CCM2: variants seen among roughly 807,000 people sequenced by gnomAD.
CCM2 encodes CCM2 scaffold protein, also known as cerebral cavernous malformations 2 protein.
CCM2 carries 25 observed loss-of-function variants against 44.9 expected under a neutral mutation model. That is an observed-to-expected ratio of 0.56 (90% CI 0.41 to 0.78). The LOEUF is 0.78. Among genes scored for constraint, CCM2 ranks in the 30% least tolerant of loss-of-function variants. CCM2 has a pLI of 0.00. For synonymous variants in CCM2, 219 were observed against 241.1 expected (o/e 0.91, Z 0.85); for missense variants, 481 against 580.6 (o/e 0.83, Z 1.76).
chr7:45,032,855 A>G (rs1797031986), intron 1 of CCM2, among the ~76,000 whole-genome samples: 1 of 152,048 alleles, frequency 6.6e-6, no homozygotes, highest in African/African-American at 2.4e-5. Flanking sequence ...AGCCTGGCCA[A>G]CATGTTGAAA....
chr7:45,064,123 G>A, intron 3 of CCM2, 122 bp downstream of exon 3: 1 of 704,762 alleles, frequency 1.4e-6, no homozygotes, highest in South Asian at 1.7e-5. Flanking sequence ...GGTACACTTG[G>A]CTCTTGGCCA....
intron 1 of CCM2, among the ~76,000 whole-genome samples, chr7:45,012,509 A>G (rs920006597): frequency 6.6e-5 from 10 of 152,068 alleles, no homozygotes; most frequent in Middle Eastern, 3.4e-3. Context: ...TCTTGTCCCA[A>G]TCTCTTGTCT....
chr7:45,014,356 G>A (rs1475876800), intron 1 of CCM2, among the ~76,000 whole-genome samples: 2 of 152,084 alleles, frequency 1.3e-5, no homozygotes, highest in African/African-American at 4.8e-5. Flanking sequence ...GGCCAGGCTG[G>A]TCTCGAACTC....
At chr7:45,063,846 C>T in intron 2 of CCM2, 72 bp from the exon 3 acceptor site, 1 of 1,042,092 alleles carries the variant, frequency 9.6e-7, no homozygotes, top group Non-Finnish European at 1.5e-6. Flanking sequence ...GGTTTGTGCT[C>T]TCGGTGGTAG....
intron 2 of CCM2, among the ~76,000 whole-genome samples, chr7:45,045,215 G>A (rs1797694777): frequency 6.6e-6 from 1 of 152,184 alleles, no homozygotes; most frequent in African/African-American, 2.4e-5. Context: ...AGAGTAGTTT[G>A]TGCAGTTTCA....
chr7:45,062,171 T>G (rs1385926711), intron 2 of CCM2, among the ~76,000 whole-genome samples: 1 of 152,230 alleles, frequency 6.6e-6, no homozygotes, highest in African/African-American at 2.4e-5. Flanking sequence ...ATGGGAGTGA[T>G]GACTTCTGAG....
intron 1 of CCM2, among the ~76,000 whole-genome samples, chr7:45,037,659 G>A (rs187451550): frequency 6.6e-6 from 1 of 151,826 alleles, no homozygotes; most frequent in African/African-American, 2.4e-5. Flanking sequence ...CTTAAGTGAT[G>A]TACCCGCCTC....
chr7:45,037,118 C>G (rs1797257958), intron 1 of CCM2, among the ~76,000 whole-genome samples: 1 of 152,120 alleles, frequency 6.6e-6, no homozygotes, highest in African/African-American at 2.4e-5. Context: ...GGGATTGTAG[C>G]ATGATCTCTC....
At chr7:45,045,105 G>T (rs1797689199) in intron 2 of CCM2, among the ~76,000 whole-genome samples, 1 of 152,084 alleles carries the variant, frequency 6.6e-6, no homozygotes, top group Admixed American at 6.5e-5. Context: ...CTTTCTATCT[G>T]ACATTAACTT....
chr7:45,000,249 C>G lies in CCM2; in HGVS notation c.-85C>G, dbSNP rs1421593837. The G allele has an allele frequency of 2.5e-6, 2 of 811,836 alleles. No individual in the cohort carries two copies. The highest frequency in any genetic ancestry group is 5.9e-5 in the South Asian group (1 of 17,046). 50.3% of individuals were successfully genotyped at this position (811,836 alleles called of 1,614,324 possible). Reference sequence around the variant, plus strand: ...GGCGGCGCCGGGAGCGCGGGGGCGGCGGGCCCGGGTCGAGCATGTAGCGGC... The same window carrying G: ...GGCGGCGCCGGGAGCGCGGGGGCGGGGGGCCCGGGTCGAGCATGTAGCGGC... On this transcript the variant is annotated 5_prime_UTR_variant, in exon 1 of 10. Coordinates refer to ENST00000258781, the MANE Select transcript of CCM2 (RefSeq NM_031443.4).
intron 2 of CCM2, among the ~76,000 whole-genome samples, chr7:45,040,490 A>G (rs889208715): frequency 6.6e-6 from 1 of 152,252 alleles, no homozygotes; most frequent in African/African-American, 2.4e-5. Flanking sequence ...AGGAAGTTCA[A>G]CATCTGACTC....
At chr7:45,058,323 T>C (rs1358275141) in intron 2 of CCM2, among the ~76,000 whole-genome samples, 1 of 151,910 alleles carries the variant, frequency 6.6e-6, no homozygotes, top group Non-Finnish European at 1.5e-5. Context: ...CGCTTTAGGG[T>C]GTTTTTTTTT....
At position 45,072,766 on chromosome 7, in the gene CCM2, G is replaced by A; in HGVS notation, c.786G>A (p.Glu262=). 1 of 1,612,686 alleles carries A rather than the reference G, an allele frequency of 6.2e-7. No homozygotes were observed. Among genetic ancestry groups the A allele is most frequent in the African/African-American group, 1.3e-5 (1 of 75,028 alleles). The change falls in exon 7 of 10, where the codon GAG becomes GAA. Residue 262 remains glutamate, a synonymous_variant. Coordinates refer to ENST00000258781, the MANE Select transcript of CCM2 (RefSeq NM_031443.4). The stretch of plus-strand genomic sequence containing the variant: ...AAGTGGACATTAAGGAGACCTACGA[G>A]GTGGAAGCCAGCACTTTGTGAGTGC... ...STKVDIKETY[E]VEASTFCFPE...
intron 7 of CCM2, 75 bp downstream of exon 7, chr7:45,072,858 C>G: frequency 8.2e-7 from 1 of 1,212,458 alleles, no homozygotes; most frequent in Non-Finnish European, 1.2e-6. Flanking sequence ...CAGGCTGCAG[C>G]CAGTCAGCTC....
At chr7:45,050,429 A>G (rs2128739131) in intron 2 of CCM2, among the ~76,000 whole-genome samples, 1 of 152,348 alleles carries the variant, frequency 6.6e-6, no homozygotes, top group East Asian at 1.9e-4. Context: ...TGTATGAGGA[A>G]CTTGAACATC....
intron 1 of CCM2, among the ~76,000 whole-genome samples, chr7:45,022,946 GA>G (rs1583866036): frequency 6.6e-6 from 1 of 151,378 alleles, no homozygotes; most frequent in African/African-American, 2.4e-5. Context: ...TCACCATGTT[GA>G]CCAGGTTGGT....
chr7:45,009,723 C>T (rs141409162), intron 1 of CCM2, among the ~76,000 whole-genome samples: 1 of 152,070 alleles, frequency 6.6e-6, no homozygotes, highest in Admixed American at 6.6e-5. Context: ...TTGTTTTATC[C>T]CATATCTAGC....
At chr7:45,017,923 C>G (rs557608327) in intron 1 of CCM2, among the ~76,000 whole-genome samples, 13 of 152,272 alleles carry the variant, frequency 8.5e-5, no homozygotes, top group Admixed American at 2.6e-4. Context: ...CTTTTATTAT[C>G]TGAAAATACC....
intron 1 of CCM2, among the ~76,000 whole-genome samples, chr7:45,031,275 G>A (rs952824868): frequency 2.0e-5 from 3 of 151,048 alleles, no homozygotes; most frequent in East Asian, 2.0e-4. Context: ...CCAGATACTC[G>A]GGAGGCTGAG....
Sources: gnomAD v4.1 joint callset for allele counts (sites outside exome capture counted in the v4.1 genomes callset) on GRCh38, gnomAD v4.1.1 for gene constraint, MANE v1.5 for transcripts, NCBI Gene and HGNC (gene_info 2026-07-23, HGNC 2026-07-21) for gene names.